CRTC3: variants seen among roughly 807,000 people sequenced by gnomAD.
The protein encoded by CRTC3 is CREB-regulated transcription coactivator 3.
CRTC3 carries 26 observed loss-of-function variants against 74.5 expected under a neutral mutation model. The ratio of observed to expected loss-of-function variants is 0.35; its 90% CI spans 0.26 to 0.48. CRTC3 has a LOEUF of 0.48. Ranked by LOEUF, CRTC3 falls within the 20% of genes least tolerant of loss-of-function variation. The pLI is 0.99. For synonymous variants in CRTC3, 377 were observed against 325.8 expected, an observed-to-expected ratio of 1.16 and a Z score of -1.69; for missense variants, 760 against 787.3, an observed-to-expected ratio of 0.97 and a Z score of 0.41.
intron 2 of CRTC3, among the ~76,000 whole-genome samples, chr15:90,551,029 C>T (rs964349188): frequency 1.3e-5 from 2 of 152,178 alleles, no homozygotes; most frequent in Admixed American, 6.5e-5. Flanking sequence ...CTGTCCTCTA[C>T]TTCCTTTTTC....
chr15:90,569,406 G>C (rs1387466228), intron 2 of CRTC3, among the ~76,000 whole-genome samples: 1 of 146,404 alleles, frequency 6.8e-6, no homozygotes, highest in Admixed American at 7.0e-5. Flanking sequence ...TGCAGCCTCT[G>C]CCTCCCTGGT....
rs754487088 is a variant in CRTC3, at chr15:90,629,467, G to A, written c.1201G>A (p.Ala401Thr). The A allele has an allele frequency of 6.2e-7, 1 of 1,613,816 alleles. No homozygotes were observed. Among genetic ancestry groups the A allele is most frequent in the African/African-American group, 1.3e-5 (1 of 74,832 alleles). Reference sequence around the variant, plus strand: ...TCTCACGCTTTCTCCTGGCCCTGAAGCACATCAAGGTTTCAGCAGACAGCT... The same window carrying A: ...TCTCACGCTTTCTCCTGGCCCTGAAACACATCAAGGTTTCAGCAGACAGCT... Reference protein sequence around the residue: ...SPLTLSPGPEAHQGFSRQLSS... With the variant: ...SPLTLSPGPETHQGFSRQLSS... The change falls in exon 11 of 15, where the codon GCA becomes ACA. Residue 401 changes from alanine (A) to threonine (T), a missense_variant. By Grantham distance (58) the Ala-to-Thr change is moderately conservative. Coordinates refer to ENST00000268184, the MANE Select transcript of CRTC3 (RefSeq NM_022769.5).
chr15:90,587,284 A>G (rs140711889), intron 2 of CRTC3, among the ~76,000 whole-genome samples: 62 of 152,302 alleles, frequency 4.1e-4, no homozygotes, highest in Non-Finnish European at 7.8e-4. Context: ...CTCCGGGAGT[A>G]TGGTACTGTC....
At chr15:90,541,210 AT>A (rs1966796536) in intron 2 of CRTC3, among the ~76,000 whole-genome samples, 1 of 152,214 alleles carries the variant, frequency 6.6e-6, no homozygotes, top group Admixed American at 6.5e-5. Flanking sequence ...TAATTATGCA[AT>A]TTAAGATTCG....
At chr15:90,581,770 A>G (rs1433902548) in intron 2 of CRTC3, among the ~76,000 whole-genome samples, 8 of 152,132 alleles carry the variant, frequency 5.3e-5, no homozygotes, top group African/African-American at 1.9e-4. Context: ...CCAAATTACA[A>G]TCTCTTCTAA....
At chr15:90,602,838 A>C (rs574336051) in intron 4 of CRTC3, among the ~76,000 whole-genome samples, 1 of 150,620 alleles carries the variant, frequency 6.6e-6, no homozygotes, top group Non-Finnish European at 1.5e-5. Flanking sequence ...GCTGGGCATG[A>C]CAGCACATGC....
intron 11 of CRTC3, among the ~76,000 whole-genome samples, chr15:90,631,699 A>C (rs1213413400): frequency 1.3e-5 from 2 of 150,024 alleles, no homozygotes; most frequent in Non-Finnish European, 3.0e-5. Context: ...ACTGCACTCC[A>C]GCCTGGGTGA....
chr15:90,547,944 A>G (rs959636097), intron 2 of CRTC3, among the ~76,000 whole-genome samples: 6 of 144,316 alleles, frequency 4.2e-5, no homozygotes, highest in Non-Finnish European at 9.0e-5. Flanking sequence ...GCTGGAGCGC[A>G]ATGATGTGAT....
At chr15:90,609,778 A>G (rs1489093301) in intron 6 of CRTC3, among the ~76,000 whole-genome samples, 1 of 152,250 alleles carries the variant, frequency 6.6e-6, no homozygotes. Flanking sequence ...AGGAATGTAA[A>G]CATTGGTCCA....
chr15:90,540,009 C>T (rs1427046180), intron 1 of CRTC3, 30 bp from the exon 2 acceptor site: 2 of 1,443,702 alleles, frequency 1.4e-6, no homozygotes, highest in South Asian at 1.1e-5. Flanking sequence ...GCTGTTACCT[C>T]TCAGCGTTCT....
chr15:90,534,373 T>TTA (rs1966682719), intron 1 of CRTC3, among the ~76,000 whole-genome samples: 1 of 152,056 alleles, frequency 6.6e-6, no homozygotes, highest in Non-Finnish European at 1.5e-5. Context: ...AGGCAGCTGT[T>TTA]TAGATGGTTT....
intron 2 of CRTC3, among the ~76,000 whole-genome samples, chr15:90,567,694 A>ATAAATAAATAAATAAG (rs1967158059): frequency 6.6e-6 from 1 of 151,046 alleles, no homozygotes. Context: ...GTCTCAAAAA[A>ATAAATAAATAAATAAG]TAAATAAATA....
chr15:90,644,292 T>C lies in CRTC3; in HGVS notation c.*2152T>C. On this transcript the variant is annotated 3_prime_UTR_variant, in exon 15 of 15. Transcript: ENST00000268184. Reference sequence around the variant, plus strand: ...CCATGTGCCAAAAGAAACCAGCTCCTGTGTCAAAGGGCTTCCAAACCTGAT... The same window carrying C: ...CCATGTGCCAAAAGAAACCAGCTCCCGTGTCAAAGGGCTTCCAAACCTGAT... The C allele has an allele frequency of 4.4e-6, 1 of 229,682 alleles. No individual in the cohort carries two copies. The highest frequency in any genetic ancestry group is 8.6e-6 in the Non-Finnish European group (1 of 115,854). The allele number at this position is 229,682 out of a possible 1,614,324, so 14.2% of individuals were successfully genotyped here.
intron 2 of CRTC3, among the ~76,000 whole-genome samples, chr15:90,586,815 C>T (rs1293194598): frequency 6.6e-6 from 1 of 152,222 alleles, no homozygotes; most frequent in African/African-American, 2.4e-5. Flanking sequence ...TGCTACTTAG[C>T]TGCAGAAGAA....
intron 2 of CRTC3, among the ~76,000 whole-genome samples, chr15:90,589,042 C>T (rs1308137896): frequency 6.6e-6 from 1 of 151,848 alleles, no homozygotes; most frequent in Non-Finnish European, 1.5e-5. Context: ...TTGTTGTTGT[C>T]GTCGTCGTTA....
intron 2 of CRTC3, among the ~76,000 whole-genome samples, chr15:90,562,296 TATC>T (rs1391125613): frequency 7.9e-5 from 12 of 152,204 alleles, no homozygotes; most frequent in Non-Finnish European, 1.3e-4. Context: ...GTGTACCTGA[TATC>T]ATTGAGTTCC....
chr15:90,583,910 C>G (rs897317433), intron 2 of CRTC3, among the ~76,000 whole-genome samples: 2 of 151,564 alleles, frequency 1.3e-5, no homozygotes, highest in Non-Finnish European at 2.9e-5. Context: ...TTTTTTATTC[C>G]GCTTAGTTTG....
chr15:90,571,948 G>A (rs1447646455), intron 2 of CRTC3, among the ~76,000 whole-genome samples: 1 of 152,100 alleles, frequency 6.6e-6, no homozygotes, highest in Non-Finnish European at 1.5e-5. Context: ...GATTACCTGA[G>A]GTCAGGAGTT....
At chr15:90,629,623 C>A in intron 11 of CRTC3, 91 bp downstream of exon 11, 1 of 1,321,190 alleles carries the variant, frequency 7.6e-7, no homozygotes, top group Non-Finnish European at 1.1e-6. Flanking sequence ...TTGGGTTACA[C>A]TCATTATTAC....
Sources: gnomAD v4.1 joint callset for allele counts (sites outside exome capture counted in the v4.1 genomes callset) on GRCh38, gnomAD v4.1.1 for gene constraint, MANE v1.5 for transcripts, NCBI Gene and HGNC (gene_info 2026-07-23, HGNC 2026-07-21) for gene names.